DOT1L: variants seen among roughly 807,000 people sequenced by gnomAD.
DOT1L encodes the protein histone-lysine N-methyltransferase, H3 lysine-79 specific.
Under a neutral mutation model 153.3 loss-of-function variants are expected in DOT1L, and 33 were observed. The ratio of observed to expected loss-of-function variants is 0.22; its 90% CI spans 0.16 to 0.29. The LOEUF is 0.29. DOT1L is among the 10% of genes least tolerant of loss of function. The pLI, the probability that DOT1L is intolerant of heterozygous loss-of-function variation, is 1.00. For missense variants in DOT1L, 1,847 were observed against 2,119.9 expected, an observed-to-expected ratio of 0.87 and a Z score of 2.53; for synonymous variants, 1,135 against 965.1, an observed-to-expected ratio of 1.18 and a Z score of -3.26.
chr19:2,166,505 G>A (rs1416384049), intron 1 of DOT1L, among the ~76,000 whole-genome samples: 2 of 136,932 alleles, frequency 1.5e-5, no homozygotes, highest in South Asian at 2.2e-4. Context: ...TCTGCCTCCC[G>A]GGTTCAAGCG....
chr19:2,186,498 T>TGA (rs34755267), intron 3 of DOT1L, among the ~76,000 whole-genome samples: 75,732 of 151,926 alleles, frequency 0.5, 19,086 homozygotes, highest in Middle Eastern at 0.54. Flanking sequence ...TTTCAGCTCT[T>TGA]GAGTCTGAAA....
At chr19:2,177,926 ATTT>A (rs71176524) in intron 1 of DOT1L, among the ~76,000 whole-genome samples, 1 of 143,246 alleles carries the variant, frequency 7.0e-6, no homozygotes. Context: ...ACACCTAGCA[ATTT>A]TTTTTTTTTT....
chr19:2,194,781 C>T (rs769720194), intron 7 of DOT1L, among the ~76,000 whole-genome samples: 2 of 152,174 alleles, frequency 1.3e-5, no homozygotes, highest in Admixed American at 6.5e-5. Context: ...CCGTCCCTCT[C>T]GTCCTCTCTG....
intron 24 of DOT1L, 145 bp from the exon 25 acceptor site, chr19:2,223,136 G>C (rs1357444543): frequency 3.8e-6 from 3 of 794,418 alleles, no homozygotes; most frequent in Non-Finnish European, 6.0e-6. Flanking sequence ...AACCAGGACA[G>C]GGGCTGTACT....
Position 2,217,650 on chromosome 19 carries a change from G to A in DOT1L, c.2545-122G>A. On this transcript the variant is annotated intron_variant, in intron 21 of 27. Coordinates refer to ENST00000398665, the MANE Select transcript of DOT1L (RefSeq NM_032482.3). The surrounding 1 kb of genome is among the most constrained non-coding windows in gnomAD (Gnocchi z 7.3). ...CCTGACTGCGTGGGGAAGGTTGCAGGGCCTTGGCAGCGTGGGGGCCGCCTT... is the reference window on the plus strand; with the variant it reads ...CCTGACTGCGTGGGGAAGGTTGCAGAGCCTTGGCAGCGTGGGGGCCGCCTT... 7.1e-7 allele frequency: 1 copy of A among 1,406,140 alleles called. No homozygotes were observed. Among genetic ancestry groups the A allele is most frequent in the Non-Finnish European group, 9.6e-7 (1 of 1,046,364 alleles). 87.1% of individuals were successfully genotyped at this position (1,406,140 alleles called of 1,614,324 possible).
intron 1 of DOT1L, among the ~76,000 whole-genome samples, chr19:2,173,648 C>G (rs1375695818): frequency 6.6e-6 from 1 of 152,238 alleles, no homozygotes; most frequent in Non-Finnish European, 1.5e-5. Flanking sequence ...TGCTCACCGG[C>G]CCTCTCAGTA....
chr19:2,229,052 C>T (rs2024488106), intron 27 of DOT1L: 3 of 985,446 alleles, frequency 3.0e-6, no homozygotes, highest in Non-Finnish European at 3.6e-6. Context: ...GGTCATGGCC[C>T]ACAGCCGAGG....
chr19:2,214,015 G>A (rs1424750267), intron 18 of DOT1L, 29 bp downstream of exon 18: 14 of 1,606,016 alleles, frequency 8.7e-6, no homozygotes, highest in African/African-American at 5.3e-5. Context: ...GGACAGGGAC[G>A]TGGAACCAGA....
chr19:2,201,274 G>GTCCTCCCCATGCCCGTCA (rs2023269139), intron 8 of DOT1L, among the ~76,000 whole-genome samples: 1 of 143,070 alleles, frequency 7.0e-6, no homozygotes, highest in African/African-American at 2.7e-5. Context: ...CGCATTCCTC[G>GTCCTCCCCATGCCCGTCA]TCCTCCCCAT....
chr19:2,171,185 G>C (rs563612250), intron 1 of DOT1L, among the ~76,000 whole-genome samples: 1 of 152,172 alleles, frequency 6.6e-6, no homozygotes, highest in Non-Finnish European at 1.5e-5. Context: ...TGGTAACTTT[G>C]ATAAGCTTTG....
At chr19:2,206,425 G>A (rs574866678) in intron 9 of DOT1L, among the ~76,000 whole-genome samples, 1 of 151,828 alleles carries the variant, frequency 6.6e-6, no homozygotes, top group Admixed American at 6.6e-5. Flanking sequence ...AGGTGTGGTG[G>A]TGTGCGCCTG....
chr19:2,188,890 C>G (rs568164556), intron 3 of DOT1L, among the ~76,000 whole-genome samples: 1 of 152,194 alleles, frequency 6.6e-6, no homozygotes, highest in Non-Finnish European at 1.5e-5. Context: ...GGCTGGGCCG[C>G]GTGGCCGGTG....
intron 7 of DOT1L, 104 bp downstream of exon 7, chr19:2,194,681 G>A: frequency 7.7e-7 from 1 of 1,291,508 alleles, no homozygotes; most frequent in Non-Finnish European, 1.1e-6. Flanking sequence ...ATGGCTGTTG[G>A]CACATGGTGT....
At chr19:2,210,303 CGT>C in intron 12 of DOT1L, 95 bp from the exon 13 acceptor site, 1 of 1,093,546 alleles carries the variant, frequency 9.1e-7, no homozygotes, top group Non-Finnish European at 1.3e-6. Context: ...GAGTTGGGCC[CGT>C]GGCCCCCTTG....
intron 27 of DOT1L, chr19:2,229,133 A>C (rs754277200): frequency 1.5e-5 from 15 of 985,200 alleles, no homozygotes; most frequent in Non-Finnish European, 1.8e-5. Context: ...CTTTGAGACC[A>C]GAAGGAAGTT....
chr19:2,175,897 G>A (rs934043958), intron 1 of DOT1L, among the ~76,000 whole-genome samples: 7 of 152,074 alleles, frequency 4.6e-5, no homozygotes, highest in African/African-American at 1.4e-4. Flanking sequence ...ACTCCCACAC[G>A]AGCTGGAAGC....
At chr19:2,189,231 C>T (rs539761877) in intron 3 of DOT1L, among the ~76,000 whole-genome samples, 1 of 152,336 alleles carries the variant, frequency 6.6e-6, no homozygotes, top group East Asian at 1.9e-4. Flanking sequence ...GGTGAGGCAT[C>T]TTCCTTTCTG....
At position 2,227,154 on chromosome 19, in the gene DOT1L, C is replaced by T. The variant is rs557155892; in HGVS notation, c.4606+27C>T. On this transcript the variant is annotated intron_variant, in intron 27 of 27. Transcript: ENST00000398665. The stretch of plus-strand genomic sequence containing the variant: ...TAGGCAGGGCGGCCGTCCGTCCGCC[C>T]CCCGCCCCGGCCCCCGCCGGAGGCC... 4.5e-6 allele frequency: 7 copies of T among 1,565,110 alleles called. No homozygotes were observed. In the African/African-American group the frequency reaches 5.4e-5, roughly 12 times the overall value.
intron 13 of DOT1L, 52 bp from the exon 14 acceptor site, chr19:2,210,569 C>T: frequency 1.3e-6 from 2 of 1,596,542 alleles, no homozygotes; most frequent in African/African-American, 1.3e-5. Flanking sequence ...CCGGGAGACC[C>T]CATGGGTGGG....
Sources: allele counts gnomAD v4.1 joint callset (sites outside exome capture counted in the v4.1 genomes callset), GRCh38; gene constraint gnomAD v4.1.1; non-coding constraint Gnocchi (gnomAD v3.1); transcripts MANE v1.5; gene names NCBI Gene and HGNC (gene_info 2026-07-23, HGNC 2026-07-21).